ESRRG: variants seen among roughly 807,000 people sequenced by gnomAD.
ESRRG encodes estrogen related receptor gamma.
ESRRG carries 13 observed loss-of-function variants against 44.0 expected under a neutral mutation model. The ratio of observed to expected loss-of-function variants is 0.30; its 90% confidence interval spans 0.19 to 0.47. The LOEUF (loss-of-function observed/expected upper bound fraction) is 0.47, where lower values mean the gene tolerates loss of function less well. Ranked by LOEUF, ESRRG falls within the 20% of genes least tolerant of loss-of-function variation. The pLI is 1.00. For missense variants in ESRRG, 395 were observed against 580.6 expected (o/e 0.68, Z 3.29); for synonymous variants, 215 against 214.6 (o/e 1.00, Z -0.02).
intron 2 of ESRRG, among the ~76,000 whole-genome samples, chr1:216,752,418 G>GA (rs1369082494): frequency 1.3e-5 from 2 of 150,704 alleles, no homozygotes; most frequent in Admixed American, 6.6e-5. Flanking sequence ...TGCCTCTAAA[G>GA]AACAAAAAAT....
intron 5 of ESRRG, among the ~76,000 whole-genome samples, chr1:216,541,851 C>T (rs138102880): frequency 2.6e-5 from 4 of 151,776 alleles, no homozygotes; most frequent in Non-Finnish European, 5.9e-5. Context: ...TCCTGAAAAT[C>T]GTGACTCACA....
intron 1 of ESRRG, among the ~76,000 whole-genome samples, chr1:216,999,896 T>C (rs1454205022): frequency 6.6e-6 from 1 of 152,200 alleles, no homozygotes; most frequent in Non-Finnish European, 1.5e-5. Context: ...ACTATTCCCA[T>C]GTTTGTTTCT....
At chr1:217,121,119 T>TATATACACAC (rs996002965) in intron 1 of ESRRG, among the ~76,000 whole-genome samples, 1 of 148,346 alleles carries the variant, frequency 6.7e-6, no homozygotes, top group African/African-American at 2.5e-5. Context: ...TCTTGAAGAA[T>TATATACACAC]ACACACACAC....
At chr1:217,026,258 T>C (rs1379987989) in intron 1 of ESRRG, among the ~76,000 whole-genome samples, 2 of 152,142 alleles carry the variant, frequency 1.3e-5, no homozygotes, top group African/African-American at 4.8e-5. Flanking sequence ...ATCCATCCAA[T>C]TGGCCAAATG....
chr1:217,073,113 G>A (rs528693684), intron 1 of ESRRG, among the ~76,000 whole-genome samples: 1 of 138,280 alleles, frequency 7.2e-6, no homozygotes, highest in Non-Finnish European at 1.5e-5. Context: ...CCTTGCAGCT[G>A]TCTCTGCCCG....
At chr1:216,929,442 C>T (rs1241622255) in intron 2 of ESRRG, among the ~76,000 whole-genome samples, 1 of 152,102 alleles carries the variant, frequency 6.6e-6, no homozygotes, top group East Asian at 1.9e-4. Flanking sequence ...GAAATGAATG[C>T]TTGGAAACAT....
At chr1:216,874,794 C>T (rs1277200051) in intron 2 of ESRRG, among the ~76,000 whole-genome samples, 1 of 152,142 alleles carries the variant, frequency 6.6e-6, no homozygotes, top group African/African-American at 2.4e-5. Context: ...TAATCAGCTG[C>T]CAGCACAGCT....
chr1:216,952,741 G>T lies in ESRRG; in HGVS notation c.-105-13068C>A, dbSNP rs76878504. Among the ~76,000 whole-genome samples the T allele has an allele frequency of 8.1e-3, 1,239 of 152,060 alleles. 11 individuals carry two copies. Among genetic ancestry groups the T allele is most frequent in the African/African-American group, 0.028 (1,175 of 41,474 alleles). ...TTTCTTAGTATGTCTAGAATCATCA[G>T]TCTTCCAGAAACAGCTCCTATTGTC... On this transcript the variant is annotated intron_variant, in intron 1 of 7. Transcript: ENST00000359162.
intron 1 of ESRRG, among the ~76,000 whole-genome samples, chr1:217,005,852 C>G (rs907946646): frequency 8.5e-5 from 13 of 152,064 alleles, no homozygotes; most frequent in Non-Finnish European, 1.9e-4. Context: ...CTTTCGCTTA[C>G]TTTTAATGTG....
At chr1:216,662,414 G>C (rs1382092932) in intron 2 of ESRRG, among the ~76,000 whole-genome samples, 1 of 152,142 alleles carries the variant, frequency 6.6e-6, no homozygotes, top group Non-Finnish European at 1.5e-5. Context: ...CCAAGGGTCA[G>C]GGAACTCAGA....
chr1:216,695,155 T>G (rs2079877806), intron 1 of ESRRG, among the ~76,000 whole-genome samples: 1 of 152,090 alleles, frequency 6.6e-6, no homozygotes, highest in South Asian at 2.1e-4. Context: ...AAATAATATA[T>G]AATAATTAGT....
intron 1 of ESRRG, among the ~76,000 whole-genome samples, chr1:216,991,806 G>A (rs1418813963): frequency 6.6e-6 from 1 of 152,188 alleles, no homozygotes; most frequent in East Asian, 1.9e-4. Context: ...TGGTCCCAAT[G>A]TAAACTATAC....
intron 2 of ESRRG, among the ~76,000 whole-genome samples, chr1:216,917,175 T>TA (rs536535376): frequency 2.3e-3 from 346 of 151,108 alleles, no homozygotes; most frequent in African/African-American, 6.9e-3. Context: ...TTTTTTTTTT[T>TA]ACCAGGTGAC....
intron 3 of ESRRG, among the ~76,000 whole-genome samples, chr1:216,573,760 A>G (rs1326822170): frequency 6.6e-6 from 1 of 151,966 alleles, no homozygotes; most frequent in Admixed American, 6.6e-5. Flanking sequence ...TCAAAATTCT[A>G]TTTTTTAAAA....
intron 1 of ESRRG, among the ~76,000 whole-genome samples, chr1:217,012,362 G>A (rs572682558): frequency 6.6e-6 from 1 of 152,130 alleles, no homozygotes; most frequent in Non-Finnish European, 1.5e-5. Context: ...GATAAGATGT[G>A]ATCACAGGGA....
At chr1:216,606,967 T>C (rs530748188) in intron 3 of ESRRG, among the ~76,000 whole-genome samples, 1 of 152,316 alleles carries the variant, frequency 6.6e-6, no homozygotes, top group East Asian at 1.9e-4. Flanking sequence ...AATTTATCAT[T>C]AGATAAACCC....
At chr1:216,577,837 T>G (rs1214620420) in intron 3 of ESRRG, among the ~76,000 whole-genome samples, 1 of 152,032 alleles carries the variant, frequency 6.6e-6, no homozygotes, top group South Asian at 2.1e-4. Flanking sequence ...GGCATTTGGT[T>G]TCAGCATATG....
intron 1 of ESRRG, among the ~76,000 whole-genome samples, chr1:216,708,553 G>A (rs1202551704): frequency 6.6e-6 from 1 of 152,104 alleles, no homozygotes; most frequent in Non-Finnish European, 1.5e-5. Flanking sequence ...GCATTAAAAA[G>A]TCAGGAAACA....
At chr1:216,637,469 A>G (rs142349997) in intron 3 of ESRRG, among the ~76,000 whole-genome samples, 99 of 152,320 alleles carry the variant, frequency 6.5e-4, no homozygotes, top group Middle Eastern at 3.4e-3. Context: ...CTTGCTCACA[A>G]AGGAAGTAAT....
Sources: allele counts gnomAD v4.1 joint callset (sites outside exome capture counted in the v4.1 genomes callset), GRCh38; gene constraint gnomAD v4.1.1; transcripts MANE v1.5; gene names NCBI Gene and HGNC (gene_info 2026-07-23, HGNC 2026-07-21).